TREML2: variants seen among roughly 807,000 people sequenced by gnomAD.
TREML2 encodes triggering receptor expressed on myeloid cells like 2, also known as trem-like transcript 2 protein.
Under a neutral mutation model 25.9 loss-of-function variants are expected in TREML2, and 24 were observed. That is an observed-to-expected ratio of 0.93 (90% CI 0.67 to 1.30). The LOEUF is 1.30. Among genes scored for constraint, TREML2 ranks in the 50% most tolerant of loss-of-function variants. The pLI, the probability that TREML2 is intolerant of heterozygous loss-of-function variation, is 0.00. For missense variants in TREML2, 359 were observed against 395.6 expected (o/e 0.91, Z 0.78); for synonymous variants, 139 against 155.2 (o/e 0.90, Z 0.77).
rs1376205877 is a variant in TREML2, at chr6:41,198,396, C to G, written c.89G>C (p.Arg30Thr). 1 of 1,613,882 alleles carries G rather than the reference C, an allele frequency of 6.2e-7. No homozygotes were observed. Among genetic ancestry groups the G allele is most frequent in the Non-Finnish European group, 8.5e-7 (1 of 1,179,894 alleles). Residue 30 changes from arginine (R) to threonine (T), a missense_variant, in exon 2 of 5, where the codon AGG becomes ACG. Transcript: ENST00000483722. ...PSADSVYTKV[R>T]LLEGETLSVQ... ...AGACAGAGTCTCCCCTTCAAGGAGC[C>G]TCACTTTTGTGTATACACTGTCAGC...
intron 1 of TREML2, among the ~76,000 whole-genome samples, chr6:41,198,864 T>TGTTTG (rs1479087374): frequency 6.6e-6 from 1 of 152,136 alleles, no homozygotes; most frequent in Non-Finnish European, 1.5e-5. Flanking sequence ...TGTTTTGTTT[T>TGTTTG]GTTTTGTTTT....
rs562483489 is a variant in TREML2, at chr6:41,198,513, T to C, written c.56-84A>G. 3.8e-5 allele frequency: 52 copies of C among 1,372,258 alleles called. No homozygotes were observed. The African/African-American group carries it at 5.6e-4, about 15-fold the overall frequency. 85.0% of individuals were successfully genotyped at this position (1,372,258 alleles called of 1,614,324 possible). ...GAAAGTTGAAGATCATGGTGAAGGG[T>C]AGAGTGGATATTGTCCTGCTGTCAC... On this transcript the variant is annotated intron_variant, in intron 1 of 4. Coordinates refer to ENST00000483722, the MANE Select transcript of TREML2 (RefSeq NM_024807.4).
intron 1 of TREML2, among the ~76,000 whole-genome samples, chr6:41,199,851 A>G (rs71558735): frequency 6.6e-6 from 1 of 152,258 alleles, no homozygotes; most frequent in African/African-American, 2.4e-5. Flanking sequence ...AAATATCAAA[A>G]CAGACACTTG....
intron 2 of TREML2, among the ~76,000 whole-genome samples, chr6:41,196,011 G>T (rs1207850525): frequency 6.6e-6 from 1 of 152,122 alleles, no homozygotes; most frequent in Non-Finnish European, 1.5e-5. Flanking sequence ...GGTCTTCAGG[G>T]GGCAGTGGAA....
At chr6:41,200,481 AGCATTG>A (rs1464784620) in intron 1 of TREML2, among the ~76,000 whole-genome samples, 4 of 152,196 alleles carry the variant, frequency 2.6e-5, no homozygotes, top group Non-Finnish European at 4.4e-5. Context: ...TTCCTCAAGG[AGCATTG>A]GTATCTGTGA....
chr6:41,200,880 G>T, intron 1 of TREML2, 74 bp downstream of exon 1: 1 of 1,310,046 alleles, frequency 7.6e-7, no homozygotes, highest in Non-Finnish European at 1.0e-6. Context: ...TGGTAAGGAG[G>T]GTAAGAAAAA....
rs773838023 is a variant in TREML2 at position 41,198,141 on chromosome 6, G to C, written c.344C>G (p.Pro115Arg). Residue 115 changes from proline (P) to arginine (R), a missense_variant, in exon 2 of 5, where the codon CCC becomes CGC. Physicochemically the swap from Pro to Arg is moderately radical, Grantham distance 103. Transcript: ENST00000483722. Reference protein sequence around the residue: ...CMRNTSGILYPLMGFQLDVSP... With the variant: ...CMRNTSGILYRLMGFQLDVSP... ...CACATCCAGCTGGAAGCCCATCAAG[G>C]GGTACAGGATCCCAGAGGTGTTGCG... is the stretch of plus-strand genomic sequence containing the variant. 1.2e-6 allele frequency: 2 copies of C among 1,605,902 alleles called. No individual in the cohort carries two copies. Among genetic ancestry groups the C allele is most frequent in the Non-Finnish European group, 1.7e-6 (2 of 1,173,572 alleles).
Position 41,192,159 on chromosome 6 carries a change from G to A in TREML2, c.*268C>T, listed in dbSNP as rs531115317. The A allele has an allele frequency of 1.5e-5, 7 of 471,258 alleles. No homozygotes were observed. Among genetic ancestry groups the A allele is most frequent in the African/African-American group, 5.9e-5 (3 of 51,264 alleles). The allele number at this position is 471,258 out of a possible 1,614,324, so 29.2% of individuals were successfully genotyped here. A position where few individuals can be genotyped will look rare whatever the true frequency, so the allele number is the denominator to read the frequency against. Reference sequence around the variant, plus strand: ...CAAGAGCCCTGGGGTCTGCAGCTCCGAGCAGAAACCACTGGTCACATTTCC... The same window carrying A: ...CAAGAGCCCTGGGGTCTGCAGCTCCAAGCAGAAACCACTGGTCACATTTCC... On this transcript the variant is annotated 3_prime_UTR_variant, in exon 5 of 5. Transcript: ENST00000483722.
At position 41,192,257 on chromosome 6, in the gene TREML2, C is replaced by A; in HGVS notation, c.*170G>T. 1.6e-6 allele frequency: 1 copy of A among 628,182 alleles called. No individual in the cohort carries two copies. Among genetic ancestry groups the A allele is most frequent in the Admixed American group, 2.4e-5 (1 of 41,830 alleles). The allele number at this position is 628,182 out of a possible 1,614,324, so 38.9% of individuals were successfully genotyped here. A position where few individuals can be genotyped will look rare whatever the true frequency, so the allele number is the denominator to read the frequency against. ...TCCTGCCCCCAAGGAGAACACTGGG[C>A]TGTGGGGCTGCTTAGGATGGCAGCC... On this transcript the variant is annotated 3_prime_UTR_variant, in exon 5 of 5. Transcript: ENST00000483722.
Position 41,200,948 on chromosome 6 carries a change from C to T in TREML2, c.55+6G>A. The T allele has an allele frequency of 6.5e-7, 1 of 1,549,428 alleles. No homozygotes were observed. Among genetic ancestry groups the T allele is most frequent in the Non-Finnish European group, 8.7e-7 (1 of 1,148,904 alleles). Reference sequence around the variant, plus strand: ...TCCTCCACAAGTCAGCCCCTTCTCCCCTCACCTGAGACGCAACCCTGTGGC... The same window carrying T: ...TCCTCCACAAGTCAGCCCCTTCTCCTCTCACCTGAGACGCAACCCTGTGGC... On this transcript the variant is annotated splice_donor_region_variant and intron_variant, in intron 1 of 4. Coordinates refer to ENST00000483722, the MANE Select transcript of TREML2 (RefSeq NM_024807.4).
intron 2 of TREML2, among the ~76,000 whole-genome samples, 193 bp from the exon 3 acceptor site, chr6:41,195,026 G>A (rs1309659923): frequency 6.6e-6 from 1 of 152,110 alleles, no homozygotes; most frequent in Non-Finnish European, 1.5e-5. Flanking sequence ...ATATCAGGAG[G>A]AAGGAAGTAG....
Position 41,194,789 on chromosome 6 carries a change from T to A in TREML2, c.421A>T (p.Ile141Phe). 4 of 1,602,878 alleles carry A rather than the reference T, an allele frequency of 2.5e-6. No homozygotes were observed. The highest frequency in any genetic ancestry group is 3.4e-6 in the Non-Finnish European group (4 of 1,174,352). ...RNIPFTHLDNILKSGTVTTGQ... is the reference protein window; with the variant it reads ...RNIPFTHLDNFLKSGTVTTGQ... ...GTTGTGACAGTTCCACTCTTGAGGA[T>A]GTTGTCCAGATGTGTGAAAGGAATG... The change falls in exon 3 of 5, where the codon ATC becomes TTC. Residue 141 changes from isoleucine to phenylalanine, a missense_variant. Ile to Phe is a conservative substitution (Grantham distance 21, BLOSUM62 0). Coordinates refer to ENST00000483722, the MANE Select transcript of TREML2 (RefSeq NM_024807.4).
Position 41,189,888 on chromosome 6 carries a change from C to A in TREML2, c.*2539G>T, listed in dbSNP as rs1766019114. On this transcript the variant is annotated 3_prime_UTR_variant, in exon 5 of 5. Coordinates refer to ENST00000483722, the MANE Select transcript of TREML2 (RefSeq NM_024807.4). ...CGATGAGGACTGGGCAGCTCATCTG[C>A]ATAAGGCATGAATTTCTGGTAGCTC... 6.6e-6 allele frequency among the ~76,000 whole-genome samples: 1 copy of A among 152,194 alleles called. No individual in the cohort carries two copies. Among genetic ancestry groups the A allele is most frequent in the African/African-American group, 2.4e-5 (1 of 41,442 alleles).
At chr6:41,193,990 C>A (rs1027675876) in intron 3 of TREML2, among the ~76,000 whole-genome samples, 3 of 144,162 alleles carry the variant, frequency 2.1e-5, no homozygotes, top group Non-Finnish European at 3.0e-5. Flanking sequence ...CTCCCCCTAC[C>A]TTTATCCCGA....
Position 41,194,551 on chromosome 6 carries a change from T to A in TREML2, c.659A>T (p.Asp220Val), listed in dbSNP as rs531665321. The change falls in exon 3 of 5, where the codon GAC becomes GTC. Residue 220 changes from aspartate (D) to valine (V), a missense_variant. By Grantham distance (152) the Asp-to-Val change is radical. Coordinates refer to ENST00000483722, the MANE Select transcript of TREML2 (RefSeq NM_024807.4). ...TVTASPSNAR[D>V]SSAGPESIST... Reference sequence around the variant, plus strand: ...GATGGATTCTGGGCCAGCAGAGGAGTCCCTGGCATTGCTGGGAGACGCGGT... The same window carrying A: ...GATGGATTCTGGGCCAGCAGAGGAGACCCTGGCATTGCTGGGAGACGCGGT... 952 of 1,613,404 alleles carry A rather than the reference T, an allele frequency of 5.9e-4. 11 individuals carry two copies. The South Asian group carries it at 9.4e-3, about 16-fold the overall frequency.
At position 41,196,167 on chromosome 6, in the gene TREML2, G is replaced by A. The variant is rs2113906428; in HGVS notation, c.377-1334C>T. The stretch of plus-strand genomic sequence containing the variant: ...TGAGATGTGACATAACATGATTAGA[G>A]GAAATGATGAGAAAAAATAAAAGCA... On this transcript the variant is annotated intron_variant, in intron 2 of 4. Transcript: ENST00000483722. Among the ~76,000 whole-genome samples, 3 of 152,262 alleles carry A rather than the reference G, an allele frequency of 2.0e-5. No individual in the cohort carries two copies. In the South Asian group the frequency reaches 6.2e-4, roughly 32 times the overall value.
intron 2 of TREML2, 101 bp from the exon 3 acceptor site, chr6:41,194,934 G>A (rs1021765918): frequency 1.8e-6 from 2 of 1,106,430 alleles, no homozygotes; most frequent in African/African-American, 3.1e-5. Flanking sequence ...CTGGATGGGG[G>A]CCTGTCCTCT....
At chr6:41,198,845 TTTTTGTTTTGTTTTG>T (rs140165117) in intron 1 of TREML2, among the ~76,000 whole-genome samples, 17 of 150,800 alleles carry the variant, frequency 1.1e-4, no homozygotes, top group Admixed American at 1.3e-4. Context: ...AGGGAATTCA[TTTTTGTTTTGTTTTG>T]TTTTGTTTTG....
chr6:41,194,323 T>C, intron 3 of TREML2, 102 bp downstream of exon 3: 1 of 1,258,414 alleles, frequency 7.9e-7, no homozygotes. Flanking sequence ...CCACATTGGG[T>C]TCCTGGGGAG....
Sources: allele counts gnomAD v4.1 joint callset (sites outside exome capture counted in the v4.1 genomes callset), GRCh38; gene constraint gnomAD v4.1.1; transcripts MANE v1.5; gene names NCBI Gene and HGNC (gene_info 2026-07-23, HGNC 2026-07-21).